Variants in GTPBP6 observed in about 807,000 individuals in gnomAD.
The protein encoded by GTPBP6 is putative GTP-binding protein 6.
Under a neutral mutation model 28.9 loss-of-function variants are expected in GTPBP6, and 33 were observed. The observed-to-expected ratio is 1.14, with a 90% CI of 0.87 to 1.53. The LOEUF is 1.53. Among genes scored for constraint, GTPBP6 ranks in the 40% most tolerant of loss-of-function variants. The probability of loss-of-function intolerance (pLI) is 0.00; values close to 1 mark genes in which losing one functional copy is unlikely to be tolerated. For synonymous variants in GTPBP6, 231 were observed against 192.7 expected, an observed-to-expected ratio of 1.20 and a Z score of -1.65; for missense variants, 507 against 408.3, an observed-to-expected ratio of 1.24 and a Z score of -2.08.
intron 2 of GTPBP6, among the ~76,000 whole-genome samples, chrX:316,414 A>C (rs2070441991): frequency 6.6e-6 from 1 of 152,002 alleles, no homozygotes; most frequent in Non-Finnish European, 1.5e-5. Flanking sequence ...TCAGGCAGGA[A>C]AGCTGACCCC....
chrX:315,135 C>A (rs1434188814), intron 3 of GTPBP6, 94 bp downstream of exon 3: 2 of 398,118 alleles, frequency 5.0e-6, no homozygotes, highest in Non-Finnish European at 8.9e-6. Context: ...CCCATCTGTC[C>A]CCATCTGTCC....
intron 6 of GTPBP6, 52 bp from the exon 7 acceptor site, chrX:311,679 C>G (rs1372457061): frequency 1.4e-5 from 20 of 1,426,666 alleles, no homozygotes; most frequent in Non-Finnish European, 2.0e-5. Context: ...GTCCCAACTC[C>G]TAGCGCCGCA....
At chrX:318,739 C>A (rs1337822197) in exon 1 of GTPBP6, 8 of 335,762 alleles carry the variant, frequency 2.4e-5, no homozygotes, top group East Asian at 4.5e-5. Flanking sequence ...CCGCGGCCCA[C>A]GCGGGAGAGC....
exon 10 of GTPBP6, chrX:304,843 T>C: frequency 1.4e-6 from 2 of 1,409,472 alleles, no homozygotes; most frequent in South Asian, 3.3e-5. Context: ...ACTGGAATTG[T>C]GTGGATGCTC....
chrX:316,367 G>C (rs1768387615), intron 2 of GTPBP6, among the ~76,000 whole-genome samples: 1 of 105,894 alleles, frequency 9.4e-6, no homozygotes, highest in East Asian at 3.0e-4. Flanking sequence ...ACACACACAG[G>C]GTGAACACAT....
chrX:310,315 A>G (rs868304536), intron 7 of GTPBP6, among the ~76,000 whole-genome samples: 21 of 136,616 alleles, frequency 1.5e-4, no homozygotes, highest in Non-Finnish European at 2.4e-4. Flanking sequence ...GGCCACAGAC[A>G]GAGGCAGAGA....
rs2070293611 is a variant in GTPBP6, at chrX:311,403, G to A, written c.1125+16C>T. On this transcript the variant is annotated intron_variant, in intron 7 of 9. Coordinates refer to ENST00000326153, the Ensembl canonical transcript of GTPBP6. ...TGGGTGTCCGAGCACCCGATCCCCG[G>A]CCGTCCCACGCTCACCGAGTGGGCC... is the stretch of plus-strand genomic sequence containing the variant. 3 of 1,593,228 alleles carry A rather than the reference G, an allele frequency of 1.9e-6. No individual in the cohort carries two copies. Among genetic ancestry groups the A allele is most frequent in the Non-Finnish European group, 1.7e-6 (2 of 1,166,674 alleles).
chrX:308,881 A>G lies in GTPBP6; in HGVS notation c.1126-1001T>C, dbSNP rs1375638401. On this transcript the variant is annotated intron_variant, in intron 7 of 9. Transcript: ENST00000326153. ...CTCTTGAGTAGCTGGGACTACAGGC[A>G]CCCGCCACCATGCCTGGCTAATTTT... Among the ~76,000 whole-genome samples the G allele has an allele frequency of 5.3e-3, 805 of 151,182 alleles. 5 individuals are homozygous for G. Among genetic ancestry groups the G allele is most frequent in the Middle Eastern group, 0.017 (5 of 288 alleles).
chrX:312,917 G>A (rs749979904), exon 6 of GTPBP6: 1 of 1,611,906 alleles, frequency 6.2e-7, no homozygotes, highest in South Asian at 1.1e-5. Context: ...GCTGCATGAA[G>A]GATTCTCCTA....
chrX:305,574 G>C (rs1267077725), intron 9 of GTPBP6, among the ~76,000 whole-genome samples: 1 of 150,012 alleles, frequency 6.7e-6, no homozygotes, highest in Admixed American at 6.6e-5. Context: ...ACCCGCCTCG[G>C]CCTCCCAAAG....
chrX:305,340 G>A (rs1190250774), intron 9 of GTPBP6, 143 bp from the exon 10 acceptor site: 2 of 536,334 alleles, frequency 3.7e-6, no homozygotes, highest in Admixed American at 3.9e-5. Flanking sequence ...TTTTTTTTTT[G>A]AGACGGAGTC....
exon 10 of GTPBP6, chrX:305,132 A>C (rs1052822007): frequency 1.2e-6 from 2 of 1,613,382 alleles, no homozygotes; most frequent in African/African-American, 2.7e-5. Context: ...GATGACCCTC[A>C]CGTCGGCCGC....
exon 10 of GTPBP6, chrX:304,984 C>A: frequency 6.4e-7 from 1 of 1,551,176 alleles, no homozygotes; most frequent in Non-Finnish European, 8.7e-7. Flanking sequence ...CCCTGCTGCA[C>A]CTGACACCAA....
intron 4 of GTPBP6, among the ~76,000 whole-genome samples, 153 bp downstream of exon 4, chrX:314,735 CAA>C (rs1390909458): frequency 6.6e-6 from 1 of 152,144 alleles, no homozygotes; most frequent in African/African-American, 2.4e-5. Flanking sequence ...CTCGGCCTCC[CAA>C]AGTGCTGGGA....
exon 7 of GTPBP6, chrX:311,519 C>A: frequency 6.2e-7 from 1 of 1,612,268 alleles, no homozygotes; most frequent in South Asian, 1.1e-5. Flanking sequence ...GACGGTCATG[C>A]GTGAGGGCAG....
rs1183504897 is a variant in GTPBP6, at chrX:311,711, C to G, written c.917-84G>C. ...CGCAGCCAGGCCCTCCAAATGGAGA[C>G]CACGGCACCCTCTGGGGGGCCGCAC... is the stretch of plus-strand genomic sequence containing the variant. On this transcript the variant is annotated intron_variant, in intron 6 of 9. Coordinates refer to ENST00000326153, the Ensembl canonical transcript of GTPBP6. 6 of 1,129,566 alleles carry G rather than the reference C, an allele frequency of 5.3e-6. No individual in the cohort carries two copies. The African/African-American group carries it at 7.6e-5, about 14-fold the overall frequency. 70.0% of individuals were successfully genotyped at this position (1,129,566 alleles called of 1,614,324 possible).
At chrX:318,557 G>T (rs1464802344) in exon 1 of GTPBP6, 2 of 398,382 alleles carry the variant, frequency 5.0e-6, no homozygotes, top group African/African-American at 2.1e-5. Flanking sequence ...CGGCGTTCTC[G>T]TCCGCATCTT....
At chrX:318,341 C>T (rs1389438692) in intron 1 of GTPBP6, 98 bp downstream of exon 1, 11 of 396,304 alleles carry the variant, frequency 2.8e-5, no homozygotes, top group Admixed American at 2.2e-4. Flanking sequence ...CCTTCAGAGC[C>T]CCGCCCCTGA....
chrX:311,862 G>A (rs1395246884), intron 6 of GTPBP6: 12 of 602,780 alleles, frequency 2.0e-5, no homozygotes, highest in Non-Finnish European at 2.9e-5. Context: ...GGGAGATGGT[G>A]GTGTGGACGG....
Sources: allele counts gnomAD v4.1 joint callset (sites outside exome capture counted in the v4.1 genomes callset), GRCh38; gene constraint gnomAD v4.1.1; transcripts MANE v1.5; gene names NCBI Gene and HGNC (gene_info 2026-07-23, HGNC 2026-07-21).